Variants in LINGO2 observed in about 807,000 individuals in gnomAD.
LINGO2 encodes leucine-rich repeat and immunoglobulin-like domain-containing nogo receptor-interacting protein 2.
In LINGO2, 14 loss-of-function variants were observed where a neutral mutation model predicts 30.6. That is an observed-to-expected ratio of 0.46 (90% CI 0.30 to 0.72). The LOEUF (loss-of-function observed/expected upper bound fraction) is 0.72, where lower values mean the gene tolerates loss of function less well. Ranked by LOEUF, LINGO2 falls within the 30% of genes least tolerant of loss-of-function variation. The pLI is 0.07. For missense variants in LINGO2, 729 were observed against 751.7 expected (o/e 0.97, Z 0.35); for synonymous variants, 317 against 288.5 (o/e 1.10, Z -1.00).
At chr9:28,003,110 A>C (rs1330060086) in intron 5 of LINGO2, among the ~76,000 whole-genome samples, 4 of 152,194 alleles carry the variant, frequency 2.6e-5, no homozygotes. Context: ...ACACAAATGC[A>C]TGACAATAAA....
chr9:28,823,362 A>G, the LINGO2 span, among the ~76,000 whole-genome samples: 1 of 152,352 alleles, frequency 6.6e-6, no homozygotes, highest in Non-Finnish European at 1.5e-5. Context: ...ATATATTAAA[A>G]GGTTTTATAG....
At chr9:28,368,626 T>C (rs537015977) in intron 3 of LINGO2, among the ~76,000 whole-genome samples, 140 of 150,042 alleles carry the variant, frequency 9.3e-4, no homozygotes, top group South Asian at 1.7e-3. Context: ...AGACGGAGTC[T>C]CGCTTTGTAG....
intron 4 of LINGO2, among the ~76,000 whole-genome samples, chr9:28,160,425 G>A (rs952293670): frequency 6.6e-6 from 1 of 152,180 alleles, no homozygotes; most frequent in African/African-American, 2.4e-5. Flanking sequence ...TGCCTCTCCT[G>A]TGTGGAATGA....
chr9:28,332,487 G>C (rs138421125), intron 3 of LINGO2, among the ~76,000 whole-genome samples: 3 of 151,996 alleles, frequency 2.0e-5, no homozygotes, highest in African/African-American at 7.2e-5. Context: ...ATATTTTGTG[G>C]TGAAAATTTC....
At chr9:28,054,289 G>A (rs752772768) in intron 4 of LINGO2, among the ~76,000 whole-genome samples, 1 of 152,070 alleles carries the variant, frequency 6.6e-6, no homozygotes, top group Non-Finnish European at 1.5e-5. Context: ...CAACCAGCAG[G>A]AGCTACAGCT....
intron 1 of LINGO2, among the ~76,000 whole-genome samples, chr9:28,570,527 G>A (rs1823635462): frequency 1.3e-5 from 2 of 151,550 alleles, no homozygotes; most frequent in African/African-American, 4.8e-5. Context: ...TTTTCTTTCT[G>A]GATATTTGTT....
chr9:28,345,361 T>G (rs991366577), intron 3 of LINGO2, among the ~76,000 whole-genome samples: 1 of 152,162 alleles, frequency 6.6e-6, no homozygotes. Flanking sequence ...ACTGAGACAC[T>G]AAGGGTATCA....
the LINGO2 span, among the ~76,000 whole-genome samples, chr9:28,796,759 G>C: frequency 1.3e-5 from 2 of 151,842 alleles, no homozygotes; most frequent in Non-Finnish European, 2.9e-5. Context: ...AATCATTATA[G>C]ATAAAAGTAT....
intron 3 of LINGO2, among the ~76,000 whole-genome samples, chr9:28,354,235 G>T (rs981552686): frequency 2.0e-5 from 3 of 152,118 alleles, no homozygotes; most frequent in African/African-American, 7.2e-5. Flanking sequence ...GGCTTTTAAG[G>T]TGATACGGTA....
At chr9:29,161,080 C>G in the LINGO2 span, among the ~76,000 whole-genome samples, 2 of 152,234 alleles carry the variant, frequency 1.3e-5, no homozygotes, top group Non-Finnish European at 2.9e-5. Flanking sequence ...TCAACATGCT[C>G]ACACTCATGC....
chr9:28,088,842 T>C (rs1203874545), intron 4 of LINGO2, among the ~76,000 whole-genome samples: 1 of 151,974 alleles, frequency 6.6e-6, no homozygotes, highest in African/African-American at 2.4e-5. Context: ...GAGACACACA[T>C]AGACTCAAAA....
chr9:29,187,739 G>A, the LINGO2 span, among the ~76,000 whole-genome samples: 1 of 149,882 alleles, frequency 6.7e-6, no homozygotes, highest in Non-Finnish European at 1.5e-5. Flanking sequence ...CAATGGTCTA[G>A]GTATGTAATG....
chr9:28,387,652 T>A (rs78018298), intron 2 of LINGO2, among the ~76,000 whole-genome samples: 2 of 151,988 alleles, frequency 1.3e-5, no homozygotes, highest in Non-Finnish European at 2.9e-5. Context: ...TCAGGAGGAA[T>A]GAACAACTGT....
At chr9:29,027,414 T>G in the LINGO2 span, among the ~76,000 whole-genome samples, 1 of 152,208 alleles carries the variant, frequency 6.6e-6, no homozygotes, top group Non-Finnish European at 1.5e-5. Context: ...CTTGGCTCAC[T>G]GAAACCTCCA....
At chr9:28,605,313 C>T (rs143057386) in intron 1 of LINGO2, among the ~76,000 whole-genome samples, 181 of 151,838 alleles carry the variant, frequency 1.2e-3, no homozygotes, top group African/African-American at 4.2e-3. Context: ...TTTTAAATCA[C>T]ATATGGGGTT....
intron 3 of LINGO2, among the ~76,000 whole-genome samples, chr9:28,367,033 C>T (rs1820706057): frequency 6.6e-6 from 1 of 152,078 alleles, no homozygotes; most frequent in Admixed American, 6.6e-5. Context: ...ACAGATTTAG[C>T]TTCTTAAAAC....
chr9:28,324,273 A>G (rs983516940), intron 3 of LINGO2, among the ~76,000 whole-genome samples: 4 of 152,068 alleles, frequency 2.6e-5, no homozygotes, highest in Admixed American at 1.3e-4. Flanking sequence ...CCCAAATTTT[A>G]TAAGCTTCAA....
chr9:28,000,639 G>GA lies in LINGO2; in HGVS notation c.-36+11715dup, dbSNP rs1462090775. On this transcript the variant is annotated intron_variant, in intron 5 of 5. Coordinates refer to ENST00000379992, the Ensembl canonical transcript of LINGO2. ...GACAAACATTTATTGAGCAGTATCTGAATGTCTGACACAGTGATAAGCTCT... is the reference window on the plus strand; with the variant it reads ...GACAAACATTTATTGAGCAGTATCTGAAATGTCTGACACAGTGATAAGCTCT... 3.3e-5 allele frequency among the ~76,000 whole-genome samples: 5 copies of GA among 152,188 alleles called. No individual in the cohort carries two copies. In the East Asian group the frequency reaches 9.6e-4, roughly 29 times the overall value.
chr9:29,181,288 A>G, the LINGO2 span, among the ~76,000 whole-genome samples: 1 of 152,188 alleles, frequency 6.6e-6, no homozygotes, highest in South Asian at 2.1e-4. Context: ...AAAATCACCA[A>G]TGGGTTCTTT....
Sources: gnomAD v4.1 joint callset for allele counts (sites outside exome capture counted in the v4.1 genomes callset) on GRCh38, gnomAD v4.1.1 for gene constraint, MANE v1.5 for transcripts, NCBI Gene and HGNC (gene_info 2026-07-23, HGNC 2026-07-21) for gene names.